Variants in AGTPBP1 observed in about 807,000 individuals in gnomAD.
AGTPBP1 encodes the protein cytosolic carboxypeptidase 1.
In AGTPBP1, 70 loss-of-function variants were observed where a neutral mutation model predicts 143.9. The ratio of observed to expected loss-of-function variants is 0.49; its 90% CI spans 0.40 to 0.59. The LOEUF is 0.59. Ranked by LOEUF, AGTPBP1 falls within the 20% of genes least tolerant of loss-of-function variation. AGTPBP1 has a pLI of 0.00. For synonymous variants in AGTPBP1, 463 were observed against 500.2 expected (o/e 0.93, Z 0.99); for missense variants, 1,229 against 1,464.5 (o/e 0.84, Z 2.62).
intron 25 of AGTPBP1, among the ~76,000 whole-genome samples, chr9:85,574,293 A>C (rs1185878905): frequency 6.6e-6 from 1 of 152,148 alleles, no homozygotes; most frequent in South Asian, 2.1e-4. Flanking sequence ...AAGAGTCATC[A>C]CCACTCCCTA....
At chr9:85,664,000 C>T (rs1041166531) in intron 8 of AGTPBP1, among the ~76,000 whole-genome samples, 2 of 152,152 alleles carry the variant, frequency 1.3e-5, no homozygotes, top group East Asian at 3.9e-4. Context: ...TTGATATGTG[C>T]AACATAAGTG....
At chr9:85,775,296 C>T in the AGTPBP1 span, among the ~76,000 whole-genome samples, 1 of 151,246 alleles carries the variant, frequency 6.6e-6, no homozygotes. Flanking sequence ...GAGTTAAGAC[C>T]CTGTCTCAAA....
chr9:85,710,699 C>CAACAAA (rs1554733099), intron 2 of AGTPBP1, among the ~76,000 whole-genome samples: 1 of 146,488 alleles, frequency 6.8e-6, no homozygotes, highest in Non-Finnish European at 1.5e-5. Flanking sequence ...ACAACAACAA[C>CAACAAA]AAAAAAAACA....
At chr9:85,654,609 G>A (rs1260912820) in intron 11 of AGTPBP1, among the ~76,000 whole-genome samples, 7 of 152,090 alleles carry the variant, frequency 4.6e-5, no homozygotes, top group African/African-American at 1.7e-4. Context: ...TTGGGAGGCC[G>A]AGGCAGGCAG....
In AGTPBP1 at chr9:85,551,719, A is replaced by G. The variant is rs1207775244; in HGVS notation, c.3504-4433T>C. ...ATCTTTGCTTTTATTAATAATTTCAACGTATGTTTTGAGCACTTTACAATG... is the reference window on the plus strand; with the variant it reads ...ATCTTTGCTTTTATTAATAATTTCAGCGTATGTTTTGAGCACTTTACAATG... On this transcript the variant is annotated intron_variant, in intron 25 of 25. Coordinates refer to ENST00000357081, the MANE Select transcript of AGTPBP1 (RefSeq NM_001330701.2). 2.6e-5 allele frequency among the ~76,000 whole-genome samples: 4 copies of G among 152,190 alleles called. No homozygotes were observed. The East Asian group carries it at 7.7e-4, about 29-fold the overall frequency.
At chr9:85,798,935 G>A in the AGTPBP1 span, among the ~76,000 whole-genome samples, 1 of 152,002 alleles carries the variant, frequency 6.6e-6, no homozygotes, top group Non-Finnish European at 1.5e-5. Context: ...TGCCATGTTG[G>A]TTTGCTGCAC....
chr9:85,611,740 GCA>G (rs954786930), intron 17 of AGTPBP1, among the ~76,000 whole-genome samples: 1 of 152,170 alleles, frequency 6.6e-6, no homozygotes, highest in Non-Finnish European at 1.5e-5. Context: ...GAGTGCAATA[GCA>G]CAGTCTCAGC....
the AGTPBP1 span, chr9:85,770,385 A>G: frequency 6.2e-7 from 1 of 1,604,966 alleles, no homozygotes; most frequent in East Asian, 2.2e-5. Flanking sequence ...AGTCACTTAG[A>G]GCATCATTCC....
intron 14 of AGTPBP1, 145 bp from the exon 15 acceptor site, chr9:85,621,430 A>G: frequency 5.4e-6 from 2 of 370,838 alleles, no homozygotes; most frequent in Non-Finnish European, 9.4e-6. Context: ...TTTTGCATAC[A>G]AAAAAACTAG....
upstream of AGTPBP1, among the ~76,000 whole-genome samples, chr9:85,743,697 C>G (rs981511451): frequency 6.6e-6 from 1 of 152,162 alleles, no homozygotes; most frequent in Non-Finnish European, 1.5e-5. Context: ...CGTGCTCTGT[C>G]AGCCACTTCC....
chr9:85,632,072 CT>C (rs972182186), intron 14 of AGTPBP1, among the ~76,000 whole-genome samples: 6 of 150,892 alleles, frequency 4.0e-5, no homozygotes, highest in African/African-American at 2.4e-5. Context: ...TCAATTTTTA[CT>C]TTTTTTTAGT....
chr9:85,746,029 C>T (rs907329367), upstream of AGTPBP1, among the ~76,000 whole-genome samples: 2 of 152,120 alleles, frequency 1.3e-5, no homozygotes, highest in Admixed American at 6.5e-5. Context: ...GCCACGTTTA[C>T]AGTAAGAAGC....
At chr9:85,797,719 T>A in the AGTPBP1 span, among the ~76,000 whole-genome samples, 1 of 148,990 alleles carries the variant, frequency 6.7e-6, no homozygotes, top group African/African-American at 2.5e-5. Flanking sequence ...GCTGATGAGC[T>A]AAAAAAAAAA....
At chr9:85,677,619 T>C in intron 5 of AGTPBP1, 37 bp from the exon 6 acceptor site, 1 of 1,458,352 alleles carries the variant, frequency 6.9e-7, no homozygotes, top group East Asian at 2.6e-5. Context: ...AAACAACAAA[T>C]TAAAAAAAAA....
chr9:85,723,707 C>T (rs937254605), intron 1 of AGTPBP1, among the ~76,000 whole-genome samples: 68 of 152,148 alleles, frequency 4.5e-4, no homozygotes, highest in African/African-American at 1.6e-3. Context: ...TCCAACCAGT[C>T]CCATTGAGAT....
At chr9:85,707,661 A>C (rs1837096503) in intron 2 of AGTPBP1, among the ~76,000 whole-genome samples, 1 of 152,242 alleles carries the variant, frequency 6.6e-6, no homozygotes, top group Non-Finnish European at 1.5e-5. Flanking sequence ...TTAGCTTCCT[A>C]ACATTTTCAC....
chr9:85,650,624 G>T (rs528781728), intron 11 of AGTPBP1, among the ~76,000 whole-genome samples: 47 of 152,332 alleles, frequency 3.1e-4, no homozygotes, highest in African/African-American at 1.1e-3. Context: ...CAACTGCACA[G>T]AGTCGATACT....
chr9:85,569,207 G>C (rs1445440277), intron 25 of AGTPBP1, among the ~76,000 whole-genome samples: 1 of 152,086 alleles, frequency 6.6e-6, no homozygotes, highest in African/African-American at 2.4e-5. Context: ...TTTTATTAGT[G>C]ATCACTGATG....
At chr9:85,548,401 C>T (rs1013795809) in intron 25 of AGTPBP1, among the ~76,000 whole-genome samples, 1 of 152,108 alleles carries the variant, frequency 6.6e-6, no homozygotes, top group African/African-American at 2.4e-5. Context: ...TTTAATCTTG[C>T]TCATTAAAGG....
Sources: allele counts gnomAD v4.1 joint callset (sites outside exome capture counted in the v4.1 genomes callset), GRCh38; gene constraint gnomAD v4.1.1; transcripts MANE v1.5; gene names NCBI Gene and HGNC (gene_info 2026-07-23, HGNC 2026-07-21).